Variants in SETD2 observed in about 807,000 individuals in gnomAD.
SETD2 encodes the protein histone-lysine N-methyltransferase SETD2.
In SETD2, 31 loss-of-function variants were observed where a neutral mutation model predicts 242.1. The observed-to-expected ratio is 0.13, with a 90% CI of 0.10 to 0.17. The LOEUF is 0.17. SETD2 is among the 10% of genes least tolerant of loss of function. The pLI is 1.00. For missense variants in SETD2, 2,481 were observed against 3,046.3 expected, an observed-to-expected ratio of 0.81 and a Z score of 4.37; for synonymous variants, 1,006 against 1,066.5, an observed-to-expected ratio of 0.94 and a Z score of 1.11.
intron 12 of SETD2, 112 bp from the exon 13 acceptor site, chr3:47,067,230 C>T (rs2040595444): frequency 1.3e-6 from 1 of 799,930 alleles, no homozygotes; most frequent in Admixed American, 2.3e-5. Context: ...CAAGCTGGTA[C>T]TTATTCTCTA....
intron 16 of SETD2, among the ~76,000 whole-genome samples, 182 bp downstream of exon 16, chr3:47,046,305 C>G (rs1386928666): frequency 6.6e-6 from 1 of 150,592 alleles, no homozygotes; most frequent in African/African-American, 2.5e-5. Flanking sequence ...CCGCTGCACT[C>G]CAGCCTGGGT....
At chr3:47,108,992 A>T (rs1197283151) in intron 5 of SETD2, among the ~76,000 whole-genome samples, 1 of 152,192 alleles carries the variant, frequency 6.6e-6, no homozygotes, top group Non-Finnish European at 1.5e-5. Flanking sequence ...GATTCTTATG[A>T]TTCTTATTAA....
At chr3:47,022,132 G>A (rs1559638096) in intron 18 of SETD2, among the ~76,000 whole-genome samples, 2 of 151,652 alleles carry the variant, frequency 1.3e-5, no homozygotes, top group East Asian at 3.9e-4. Context: ...GAGAGGTGGA[G>A]GTTGCAGTGA....
chr3:47,150,028 C>CTTTTT (rs71098457), intron 1 of SETD2, among the ~76,000 whole-genome samples: 2,780 of 92,208 alleles, frequency 0.03, 401 homozygotes, highest in East Asian at 0.12. Context: ...TCCAAAAATA[C>CTTTTT]TTTTTTTTTT....
chr3:47,062,098 CTT>C, intron 14 of SETD2, 63 bp downstream of exon 14: 1 of 1,449,920 alleles, frequency 6.9e-7, no homozygotes, highest in Non-Finnish European at 9.5e-7. Context: ...AAGTATATGA[CTT>C]GGGTACTTTT....
intron 12 of SETD2, among the ~76,000 whole-genome samples, chr3:47,073,366 C>T (rs1286683114): frequency 6.6e-6 from 1 of 152,048 alleles, no homozygotes; most frequent in Non-Finnish European, 1.5e-5. Context: ...ATATGAAATA[C>T]TACTGAGCAA....
At chr3:47,047,788 G>A (rs1032417600) in intron 15 of SETD2, among the ~76,000 whole-genome samples, 4 of 152,134 alleles carry the variant, frequency 2.6e-5, no homozygotes, top group Non-Finnish European at 5.9e-5. Context: ...AAGCCTGAGA[G>A]GAAAATGTAC....
intron 18 of SETD2, among the ~76,000 whole-genome samples, chr3:47,027,387 AACATCAC>A (rs2038538662): frequency 6.8e-6 from 1 of 147,718 alleles, no homozygotes. Context: ...CAGGAAGGGG[AACATCAC>A]ACACCAGGGA....
intron 9 of SETD2, among the ~76,000 whole-genome samples, chr3:47,096,408 C>CT (rs1283220029): frequency 2.0e-5 from 3 of 152,044 alleles, no homozygotes; most frequent in Non-Finnish European, 4.4e-5. Flanking sequence ...TATATGCTAT[C>CT]TAAAAAGAGG....
In SETD2 at chr3:47,121,026, T is replaced by C. The variant is rs554338477; in HGVS notation, c.3610A>G (p.Ile1204Val). ...ACATCTTCAAAATCAGAAGAATAAATTGGCAGCTCTTCTTGCTGCCTAGAA... is the reference window on the plus strand; with the variant it reads ...ACATCTTCAAAATCAGAAGAATAAACTGGCAGCTCTTCTTGCTGCCTAGAA... ...IPSRQQEELP[I>V]YSSDFEDVPN... The change falls in exon 3 of 21, where the codon ATT (isoleucine) becomes GTT (valine). Residue 1204 changes from isoleucine to valine, a missense_variant. This residue lies in a region of SETD2 where 1,300 missense variants were observed against 1,259.2 expected (regional missense o/e 1.03). Coordinates refer to ENST00000409792, the MANE Select transcript of SETD2 (RefSeq NM_014159.7). 2.3e-5 allele frequency: 37 copies of C among 1,614,106 alleles called. No homozygotes were observed. Among genetic ancestry groups the C allele is most frequent in the Admixed American group, 5.0e-5 (3 of 60,008 alleles).
intron 1 of SETD2, chr3:47,127,641 C>A: frequency 2.6e-6 from 1 of 391,170 alleles, no homozygotes; most frequent in East Asian, 8.1e-5. Flanking sequence ...GTGGGCAGAC[C>A]ACCTGAGGTC....
intron 9 of SETD2, among the ~76,000 whole-genome samples, chr3:47,089,195 C>T (rs2041693375): frequency 6.6e-6 from 1 of 152,164 alleles, no homozygotes; most frequent in Admixed American, 6.5e-5. Flanking sequence ...CTTGTAATCT[C>T]AGCACTTTGA....
In SETD2 at chr3:47,123,737, A is replaced by G. The variant is rs1284559156; in HGVS notation, c.899T>C (p.Leu300Pro). The change falls in exon 3 of 21, where the codon CTG becomes CCG. Residue 300 changes from leucine (L) to proline (P), a missense_variant. Transcript: ENST00000409792. ...CTTAGAACCTGTTTTTTTACAGCTC[A>G]GACTAATCTTAGAACTATCTGGAAT... ...EEIPDSSKIS[L>P]SCKKTGSKKK... The G allele has an allele frequency of 1.3e-6, 2 of 1,550,938 alleles. No individual in the cohort carries two copies. Among genetic ancestry groups the G allele is most frequent in the Admixed American group, 3.9e-5 (2 of 50,764 alleles).
chr3:47,106,806 C>G (rs547287367), intron 5 of SETD2, among the ~76,000 whole-genome samples: 1 of 120,872 alleles, frequency 8.3e-6, no homozygotes, highest in South Asian at 2.8e-4. Context: ...AGTGAGACTC[C>G]GTCTCAAAAA....
chr3:47,066,907 T>C (rs1298486683), intron 13 of SETD2, 163 bp downstream of exon 13: 1 of 575,026 alleles, frequency 1.7e-6, no homozygotes, highest in Non-Finnish European at 3.1e-6. Flanking sequence ...GCATTAAGAA[T>C]AAAAGCACAA....
intron 2 of SETD2, 123 bp downstream of exon 2, chr3:47,126,525 T>C: frequency 5.6e-6 from 3 of 540,038 alleles, no homozygotes; most frequent in Non-Finnish European, 9.8e-6. Context: ...TTAAAAACTA[T>C]TACTTCATTT....
chr3:47,090,943 T>C (rs879815581), intron 9 of SETD2, among the ~76,000 whole-genome samples: 1 of 152,244 alleles, frequency 6.6e-6, no homozygotes, highest in African/African-American at 2.4e-5. Context: ...TTATTTCATA[T>C]TGTACCCAAA....
rs2106640376 is a variant in SETD2 at position 47,121,124 on chromosome 3, G to A, written c.3512C>T (p.Thr1171Ile). Reference sequence around the variant, plus strand: ...GTCAGATTTCACATCTGTATGACTTGTACTATCAACCCCATCACTCTGAGG... The same window carrying A: ...GTCAGATTTCACATCTGTATGACTTATACTATCAACCCCATCACTCTGAGG... ...SHPQSDGVDS[T>I]SHTDVKSDPL... Residue 1171 changes from threonine to isoleucine, a missense_variant, in exon 3 of 21, where the codon ACA becomes ATA. Thr to Ile is a moderately conservative substitution (Grantham distance 89, BLOSUM62 -1). Around this residue, in one of 17 missense-constraint regions of SETD2, gnomAD observed 1,300 missense variants for 1,259.2 expected, o/e 1.03. Coordinates refer to ENST00000409792, the MANE Select transcript of SETD2 (RefSeq NM_014159.7). 1 of 1,614,110 alleles carries A rather than the reference G, an allele frequency of 6.2e-7. No individual in the cohort carries two copies. Among genetic ancestry groups the A allele is most frequent in the Non-Finnish European group, 8.5e-7 (1 of 1,179,996 alleles).
intron 12 of SETD2, chr3:47,080,834 C>A: frequency 1.0e-6 from 1 of 986,656 alleles, no homozygotes; most frequent in Non-Finnish European, 1.2e-6. Context: ...GGGATTTTCC[C>A]GGAACGACAT....
Sources: gnomAD v4.1 joint callset for allele counts (sites outside exome capture counted in the v4.1 genomes callset) on GRCh38, gnomAD v4.1.1 for gene constraint, gnomAD v4.1.1 regional missense constraint, MANE v1.5 for transcripts, NCBI Gene and HGNC (gene_info 2026-07-23, HGNC 2026-07-21) for gene names.